The following MAP1B variants were observed in gnomAD, a reference collection of about 807,000 sequenced individuals.
MAP1B encodes the protein microtubule-associated protein 1B.
MAP1B carries 12 observed loss-of-function variants against 176.1 expected under a neutral mutation model. That is an observed-to-expected ratio of 0.07 (90% CI 0.04 to 0.11). MAP1B has a LOEUF of 0.11. Among genes scored for constraint, MAP1B ranks in the 10% least tolerant of loss-of-function variants. MAP1B has a pLI of 1.00. For synonymous variants in MAP1B, 1,044 were observed against 1,135.0 expected, an observed-to-expected ratio of 0.92 and a Z score of 1.61; for missense variants, 2,523 against 2,990.5, an observed-to-expected ratio of 0.84 and a Z score of 3.65.
chr5:72,168,088 G>A (rs1001053288), intron 2 of MAP1B, among the ~76,000 whole-genome samples: 1 of 152,250 alleles, frequency 6.6e-6, no homozygotes, highest in Non-Finnish European at 1.5e-5. Flanking sequence ...GCTGAGGAGG[G>A]CCTCAGGCTT....
chr5:72,199,719 C>A lies in MAP1B; in HGVS notation c.6364C>A (p.Pro2122Thr). The change falls in exon 5 of 7, where the codon CCC becomes ACC. Residue 2122 changes from proline to threonine, a missense_variant. Physicochemically the swap from Pro to Thr is conservative, Grantham distance 38 (BLOSUM62 -1). Around this residue, in one of 4 missense-constraint regions of MAP1B, gnomAD observed 1,925 missense variants for 2,126.0 expected, o/e 0.91. Transcript: ENST00000296755. The surrounding 1 kb of genome is among the most constrained non-coding windows in gnomAD (Gnocchi z 4.2). ...AGAACCCACTGAAGAATCTGAAAAGCCCCTCACTCAATCAGGGGGAGCCCC... is the reference window on the plus strand; with the variant it reads ...AGAACCCACTGAAGAATCTGAAAAGACCCTCACTCAATCAGGGGGAGCCCC... Reference protein sequence around the residue: ...SEEPTEESEKPLTQSGGAPPP... With the variant: ...SEEPTEESEKTLTQSGGAPPP... 1 of 1,614,132 alleles carries A rather than the reference C, an allele frequency of 6.2e-7. No homozygotes were observed. The highest frequency in any genetic ancestry group is 8.5e-7 in the Non-Finnish European group (1 of 1,180,038).
At chr5:72,138,217 C>T (rs568576854) in intron 2 of MAP1B, among the ~76,000 whole-genome samples, 2 of 152,252 alleles carry the variant, frequency 1.3e-5, no homozygotes, top group East Asian at 3.9e-4. Context: ...TACATACACA[C>T]AGAAGGTGGG....
chr5:72,181,013 G>C (rs563167462), intron 2 of MAP1B, among the ~76,000 whole-genome samples: 1 of 152,174 alleles, frequency 6.6e-6, no homozygotes, highest in Non-Finnish European at 1.5e-5. Context: ...ACTTTGGGCA[G>C]GTTAATTCTC....
chr5:72,146,680 A>G (rs533680778), intron 2 of MAP1B, among the ~76,000 whole-genome samples: 1 of 152,338 alleles, frequency 6.6e-6, no homozygotes, highest in East Asian at 1.9e-4. Flanking sequence ...GATCCCAGCA[A>G]TCTGGTCCTC....
At chr5:72,175,748 C>T (rs1291141816) in intron 2 of MAP1B, among the ~76,000 whole-genome samples, 1 of 152,094 alleles carries the variant, frequency 6.6e-6, no homozygotes, top group Non-Finnish European at 1.5e-5. Context: ...ACATGGAAAA[C>T]CAAACCAAAA....
At chr5:72,184,413 A>T (rs1452343497) in intron 3 of MAP1B, among the ~76,000 whole-genome samples, 1 of 152,246 alleles carries the variant, frequency 6.6e-6, no homozygotes, top group Admixed American at 6.5e-5. Context: ...CCTCTGTAAA[A>T]TGGGGGTCAT....
intron 2 of MAP1B, among the ~76,000 whole-genome samples, chr5:72,139,963 A>C (rs1028144490): frequency 1.3e-5 from 2 of 151,602 alleles, no homozygotes; most frequent in African/African-American, 4.9e-5. Context: ...GATGTATTAC[A>C]AACTTTTTTT....
At chr5:72,122,641 CTT>C (rs35175622) in intron 2 of MAP1B, among the ~76,000 whole-genome samples, 28 of 138,548 alleles carry the variant, frequency 2.0e-4, no homozygotes, top group East Asian at 2.1e-4. Context: ...ATTCATCTCA[CTT>C]TTTTTTTTTT....
At chr5:72,107,811 C>G (rs1745133595) in intron 1 of MAP1B, 96 bp downstream of exon 1, 1 of 1,305,118 alleles carries the variant, frequency 7.7e-7, no homozygotes, top group Admixed American at 2.0e-5. Context: ...CCCGCGCGCC[C>G]CGCACCCATG....
chr5:72,171,417 A>G (rs1466191500), intron 2 of MAP1B, among the ~76,000 whole-genome samples: 1 of 152,044 alleles, frequency 6.6e-6, no homozygotes, highest in African/African-American at 2.4e-5. Context: ...GTGAGACCCC[A>G]TCTCTACAAA....
At chr5:72,163,925 T>TTC (rs1746375818) in intron 2 of MAP1B, among the ~76,000 whole-genome samples, 1 of 98,632 alleles carries the variant, frequency 1.0e-5, no homozygotes, top group African/African-American at 3.5e-5. Context: ...TCTTTTTTTT[T>TTC]TTTTCTTTTT....
At position 72,199,292 on chromosome 5, in the gene MAP1B, G is replaced by T; in HGVS notation, c.5937G>T (p.Arg1979Ser). ...GTTACAGCTATGAAAAGACTGAGAG[G>T]TCTAGAAGGCTTCTGGATGACATCA... ...VSGYSYEKTERSRRLLDDISN... is the reference protein window; with the variant it reads ...VSGYSYEKTESSRRLLDDISN... Residue 1979 changes from arginine to serine, a missense_variant, in exon 5 of 7, where the codon AGG becomes AGT. Around this residue, in one of 4 missense-constraint regions of MAP1B, gnomAD observed 1,925 missense variants for 2,126.0 expected, o/e 0.91. Transcript: ENST00000296755. This position sits in a 1 kb window ranked among gnomAD's most constrained non-coding sequence, Gnocchi z 4.2. The T allele has an allele frequency of 6.2e-7, 1 of 1,614,102 alleles. No homozygotes were observed.
At position 72,194,272 on chromosome 5, in the gene MAP1B, C is replaced by G. The variant is rs1747094194; in HGVS notation, c.917C>G (p.Ser306Cys). 1 of 1,614,082 alleles carries G rather than the reference C, an allele frequency of 6.2e-7. No individual in the cohort carries two copies. The highest frequency in any genetic ancestry group is 1.3e-5 in the African/African-American group (1 of 74,926). Residue 306 changes from serine (S) to cysteine (C), a missense_variant, in exon 5 of 7, where the codon TCC becomes TGC. Ser to Cys is a moderately radical substitution (Grantham distance 112). Transcript: ENST00000296755. This position sits in a 1 kb window ranked among gnomAD's most constrained non-coding sequence, Gnocchi z 7.2. ...KLIRHLDRVD[S>C]ILLTHIGDDN... ...ATCCGACACTTAGACCGAGTGGACT[C>G]CATCCTGCTCACCCACATTGGGGAT...
At chr5:72,203,468 A>T in intron 5 of MAP1B, 95 bp from the exon 6 acceptor site, 1 of 875,242 alleles carries the variant, frequency 1.1e-6, no homozygotes, top group Non-Finnish European at 1.9e-6. Flanking sequence ...CTTGTGATTG[A>T]ATAGGGAAGG....
At chr5:72,143,114 A>G (rs1745978073) in intron 2 of MAP1B, among the ~76,000 whole-genome samples, 2 of 152,140 alleles carry the variant, frequency 1.3e-5, no homozygotes, top group Non-Finnish European at 2.9e-5. Context: ...TGCTATAGAA[A>G]GACAAATACC....
intron 4 of MAP1B, among the ~76,000 whole-genome samples, chr5:72,191,034 T>C (rs192353658): frequency 3.3e-5 from 5 of 152,384 alleles, no homozygotes; most frequent in African/African-American, 9.6e-5. Context: ...ATATTCCTCC[T>C]TGTTGCATCT....
At chr5:72,177,826 G>C (rs1429791131) in intron 2 of MAP1B, among the ~76,000 whole-genome samples, 1 of 152,030 alleles carries the variant, frequency 6.6e-6, no homozygotes, top group Non-Finnish European at 1.5e-5. Flanking sequence ...TTTTTTGCAC[G>C]AGGGGTTAGA....
chr5:72,120,629 C>T (rs975938447), intron 2 of MAP1B, among the ~76,000 whole-genome samples: 1 of 151,826 alleles, frequency 6.6e-6, no homozygotes, highest in Non-Finnish European at 1.5e-5. Context: ...GGTTTCACTG[C>T]ATTAGCCAGG....
At chr5:72,146,814 G>A (rs1746052759) in intron 2 of MAP1B, among the ~76,000 whole-genome samples, 1 of 152,166 alleles carries the variant, frequency 6.6e-6, no homozygotes, top group Non-Finnish European at 1.5e-5. Flanking sequence ...TGCATTCCAT[G>A]TACAGGAAGT....
Sources: allele counts gnomAD v4.1 joint callset (sites outside exome capture counted in the v4.1 genomes callset), GRCh38; gene constraint gnomAD v4.1.1; regional missense constraint gnomAD v4.1.1; non-coding constraint Gnocchi (gnomAD v3.1); transcripts MANE v1.5; gene names NCBI Gene and HGNC (gene_info 2026-07-23, HGNC 2026-07-21).